The following SEMA3F variants were observed in gnomAD, a reference collection of about 807,000 sequenced individuals.
SEMA3F encodes semaphorin-3F.
A neutral mutation model predicts 98.5 loss-of-function variants in SEMA3F; 30 were observed. The ratio of observed to expected loss-of-function variants is 0.30; its 90% confidence interval spans 0.23 to 0.41. The LOEUF is 0.41. Among genes scored for constraint, SEMA3F ranks in the 10% least tolerant of loss-of-function variants. The pLI is 1.00. For missense variants in SEMA3F, 866 were observed against 1,119.3 expected (o/e 0.77, Z 3.23); for synonymous variants, 380 against 444.8 (o/e 0.85, Z 1.83).
chr3:50,161,556 G>A (rs898904688), intron 2 of SEMA3F, among the ~76,000 whole-genome samples: 17 of 152,222 alleles, frequency 1.1e-4, no homozygotes, highest in Non-Finnish European at 2.2e-4. Flanking sequence ...GGGCTGCAGC[G>A]CACCTGGGGC....
intron 11 of SEMA3F, 35 bp from the exon 12 acceptor site, chr3:50,183,385 T>A (rs762954135): frequency 6.2e-7 from 1 of 1,611,980 alleles, no homozygotes; most frequent in Non-Finnish European, 8.5e-7. Context: ...AGGTGGAGGG[T>A]CTGTCCTGCT....
At chr3:50,183,826 G>A (rs956426913) in intron 12 of SEMA3F, among the ~76,000 whole-genome samples, 1 of 152,206 alleles carries the variant, frequency 6.6e-6, no homozygotes, top group African/African-American at 2.4e-5. Context: ...GGAGCTGAAG[G>A]TTGGGGGGAA....
intron 7 of SEMA3F, among the ~76,000 whole-genome samples, chr3:50,180,748 A>G (rs1698983798): frequency 2.6e-5 from 4 of 152,194 alleles, no homozygotes. Context: ...TCACCATAAC[A>G]GACAGTTTGA....
chr3:50,183,690 G>GCA (rs1294874915), intron 12 of SEMA3F, 126 bp downstream of exon 12: 2 of 1,001,060 alleles, frequency 2.0e-6, no homozygotes, highest in African/African-American at 3.2e-5. Context: ...GAGCTGTAAT[G>GCA]CACACACAGA....
At chr3:50,186,228 C>T in intron 16 of SEMA3F, 53 bp from the exon 17 acceptor site, 1 of 1,583,756 alleles carries the variant, frequency 6.3e-7, no homozygotes, top group Non-Finnish European at 8.6e-7. Context: ...GATACAGGGA[C>T]CTGGGGGGGC....
Position 50,169,168 on chromosome 3 carries a change from G to C in SEMA3F, c.113-4625G>C, listed in dbSNP as rs151114713. ...CGCAGACCTGATGTCCTGGAGACCAGCAGCAAGGGGTAGGGGCTGCCCACT... is the reference window on the plus strand; with the variant it reads ...CGCAGACCTGATGTCCTGGAGACCACCAGCAAGGGGTAGGGGCTGCCCACT... On this transcript the variant is annotated intron_variant, in intron 2 of 18. Coordinates refer to ENST00000002829, the MANE Select transcript of SEMA3F (RefSeq NM_004186.5). Among the ~76,000 whole-genome samples, 23 of 152,286 alleles carry C rather than the reference G, an allele frequency of 1.5e-4. 1 individual carries two copies. The East Asian group carries it at 4.1e-3, about 27-fold the overall frequency.
intron 2 of SEMA3F, among the ~76,000 whole-genome samples, chr3:50,167,358 G>A (rs1698440485): frequency 6.6e-6 from 1 of 152,220 alleles, no homozygotes; most frequent in Admixed American, 6.5e-5. Flanking sequence ...GTCATTGGGT[G>A]TCCTTCGGGG....
chr3:50,181,122 G>A (rs1192059934), intron 7 of SEMA3F, among the ~76,000 whole-genome samples: 1 of 150,760 alleles, frequency 6.6e-6, no homozygotes, highest in Non-Finnish European at 1.5e-5. Context: ...GAGACACAAA[G>A]TAAGCATATG....
At chr3:50,162,156 C>T (rs911257926) in intron 2 of SEMA3F, among the ~76,000 whole-genome samples, 4 of 152,144 alleles carry the variant, frequency 2.6e-5, no homozygotes, top group East Asian at 1.9e-4. Context: ...GGGGAGGTGC[C>T]GGTTCCTGCC....
At chr3:50,174,000 A>C (rs774981923) in intron 3 of SEMA3F, 47 bp downstream of exon 3, 1 of 1,613,720 alleles carries the variant, frequency 6.2e-7, no homozygotes, top group South Asian at 1.1e-5. Flanking sequence ...ACGGAGCCCC[A>C]GGGCTCAGGG....
At chr3:50,175,074 C>A (rs749127108) in intron 5 of SEMA3F, 22 bp from the exon 6 acceptor site, 73 of 1,420,046 alleles carry the variant, frequency 5.1e-5, no homozygotes, top group Non-Finnish European at 4.5e-5. Context: ...CCAGCTCTAA[C>A]CCCTGTTCCT....
In SEMA3F at chr3:50,186,685, G is replaced by A. The variant is rs761601708; in HGVS notation, c.1886G>A (p.Arg629His). 1.1e-5 allele frequency: 18 copies of A among 1,610,234 alleles called. No homozygotes were observed. Among genetic ancestry groups the A allele is most frequent in the Non-Finnish European group, 1.3e-5 (15 of 1,177,496 alleles). Reference sequence around the variant, plus strand: ...GCAGCCTTCCTTGAGTGCCAGCCCCGCTCGCCCCAAGCCACTGTTAAGTGG... The same window carrying A: ...GCAGCCTTCCTTGAGTGCCAGCCCCACTCGCCCCAAGCCACTGTTAAGTGG... ...GSAAFLECQP[R>H]SPQATVKWLF... Residue 629 changes from arginine (R) to histidine (H), a missense_variant, in exon 18 of 19, where the codon CGC becomes CAC. Around this residue, in one of 3 missense-constraint regions of SEMA3F, gnomAD observed 245 missense variants for 260.5 expected, o/e 0.94. Coordinates refer to ENST00000002829, the MANE Select transcript of SEMA3F (RefSeq NM_004186.5).
At position 50,174,325 on chromosome 3, in the gene SEMA3F, A is replaced by C. The variant is rs1003506758; in HGVS notation, c.431A>C (p.Tyr144Ser). The C allele has an allele frequency of 7.4e-6, 12 of 1,612,670 alleles. No individual in the cohort carries two copies. In the South Asian group the frequency reaches 1.3e-4, roughly 18 times the overall value. ...GTGAYNPMCT[Y>S]VNRGRRAQAT... ...GGTGCCTACAACCCCATGTGCACCT[A>C]TGTGAACCGCGGACGCCGCGCCCAG... Residue 144 changes from tyrosine (Y) to serine (S), a missense_variant, in exon 5 of 19, where the codon TAT becomes TCT. By Grantham distance (144) the Tyr-to-Ser change is moderately radical (BLOSUM62 -2). Coordinates refer to ENST00000002829, the MANE Select transcript of SEMA3F (RefSeq NM_004186.5).
At chr3:50,175,733 G>A (rs563911588) in intron 6 of SEMA3F, among the ~76,000 whole-genome samples, 47 of 152,182 alleles carry the variant, frequency 3.1e-4, no homozygotes, top group Admixed American at 1.4e-3. Context: ...GGGCAGGGGG[G>A]CAGGGGCTGC....
At chr3:50,171,531 C>T (rs1275649365) in intron 2 of SEMA3F, among the ~76,000 whole-genome samples, 1 of 152,112 alleles carries the variant, frequency 6.6e-6, no homozygotes, top group Non-Finnish European at 1.5e-5. Flanking sequence ...AAAGTGCCCC[C>T]TAGCCCAGGG....
intron 1 of SEMA3F, among the ~76,000 whole-genome samples, chr3:50,157,263 C>T (rs938958781): frequency 1.3e-5 from 2 of 152,024 alleles, no homozygotes; most frequent in Non-Finnish European, 2.9e-5. Context: ...TTCCTCTGGC[C>T]GCCTCTTCCC....
At chr3:50,162,719 G>A (rs1698256323) in intron 2 of SEMA3F, among the ~76,000 whole-genome samples, 2 of 152,148 alleles carry the variant, frequency 1.3e-5, no homozygotes, top group South Asian at 2.1e-4. Context: ...TTCCCAGGAA[G>A]CTACCCCACG....
intron 2 of SEMA3F, among the ~76,000 whole-genome samples, chr3:50,162,154 G>A (rs1191115294): frequency 6.6e-6 from 1 of 152,200 alleles, no homozygotes; most frequent in African/African-American, 2.4e-5. Flanking sequence ...GTGGGGAGGT[G>A]CCGGTTCCTG....
rs1022473349 is a variant in SEMA3F at position 50,155,682 on chromosome 3, C to G, written c.-49+118C>G. The G allele has an allele frequency of 4.4e-6, 1 of 225,612 alleles. No homozygotes were observed. The highest frequency in any genetic ancestry group is 8.6e-6 in the Non-Finnish European group (1 of 116,322). The allele number at this position is 225,612 out of a possible 1,614,324, so 14.0% of individuals were successfully genotyped here. ...GTCCGGGGAGCGGGTCTCGTCGAGCCGGGGGGCTGCCCGCGGACATAGGGG... is the reference window on the plus strand; with the variant it reads ...GTCCGGGGAGCGGGTCTCGTCGAGCGGGGGGGCTGCCCGCGGACATAGGGG... On this transcript the variant is annotated intron_variant, in intron 1 of 18. Coordinates refer to ENST00000002829, the MANE Select transcript of SEMA3F (RefSeq NM_004186.5). This position sits in a 1 kb window ranked among gnomAD's most constrained non-coding sequence, Gnocchi z 4.9.
Sources: gnomAD v4.1 joint callset for allele counts (sites outside exome capture counted in the v4.1 genomes callset) on GRCh38, gnomAD v4.1.1 for gene constraint, gnomAD v4.1.1 regional missense constraint, Gnocchi (gnomAD v3.1) non-coding constraint, MANE v1.5 for transcripts, NCBI Gene and HGNC (gene_info 2026-07-23, HGNC 2026-07-21) for gene names.